Variants in PEBP4 observed in about 807,000 individuals in gnomAD.
PEBP4 encodes phosphatidylethanolamine-binding protein 4.
Under a neutral mutation model 23.9 loss-of-function variants are expected in PEBP4, and 22 were observed. The observed-to-expected ratio is 0.92, with a 90% confidence interval of 0.66 to 1.31. The LOEUF (loss-of-function observed/expected upper bound fraction) is 1.31. Among genes scored for constraint, PEBP4 ranks in the 40% most tolerant of loss-of-function variants. PEBP4 has a pLI of 0.00. For synonymous variants in PEBP4, 112 were observed against 99.3 expected, an observed-to-expected ratio of 1.13 and a Z score of -0.76; for missense variants, 324 against 281.7, an observed-to-expected ratio of 1.15 and a Z score of -1.07.
chr8:22,741,075 C>T (rs1362573868), intron 4 of PEBP4, among the ~76,000 whole-genome samples: 1 of 152,152 alleles, frequency 6.6e-6, no homozygotes, highest in African/African-American at 2.4e-5. Context: ...GTGGTTCTTC[C>T]GTGTTGCCTA....
chr8:22,717,661 G>A (rs950583665), intron 6 of PEBP4, among the ~76,000 whole-genome samples: 1 of 152,190 alleles, frequency 6.6e-6, no homozygotes, highest in South Asian at 2.1e-4. Flanking sequence ...GGGGCCACTG[G>A]TTCTGGCTCC....
intron 3 of PEBP4, among the ~76,000 whole-genome samples, chr8:22,830,113 T>TTGTGTGTGTGTGTGTGTGTG (rs3060706): frequency 2.0e-3 from 283 of 144,236 alleles, no homozygotes; most frequent in Middle Eastern, 3.5e-3. Flanking sequence ...GGCTGTGGTT[T>TTGTGTGTGTGTGTGTGTGTG]TGTGTGTGTG....
chr8:22,741,227 C>T (rs897484348), intron 4 of PEBP4, among the ~76,000 whole-genome samples: 3 of 152,200 alleles, frequency 2.0e-5, no homozygotes, highest in African/African-American at 7.2e-5. Context: ...GCCATCTCTG[C>T]TGAGCTGCCG....
At position 22,727,079 on chromosome 8, in the gene PEBP4, T is replaced by C. The variant is rs182246791; in HGVS notation, c.403+96A>G. The C allele has an allele frequency of 4.1e-4, 571 of 1,376,652 alleles. 3 individuals carry two copies. In the African/African-American group the frequency reaches 7.6e-3, roughly 18 times the overall value. 85.3% of individuals were successfully genotyped at this position (1,376,652 alleles called of 1,614,324 possible). A position where few individuals can be genotyped will look rare whatever the true frequency, so the allele number is the denominator to read the frequency against. On this transcript the variant is annotated intron_variant, in intron 5 of 6. Coordinates refer to ENST00000256404, the MANE Select transcript of PEBP4 (RefSeq NM_144962.3). The stretch of plus-strand genomic sequence containing the variant: ...GCATCCAAGAAAACTCTCAGGCTGG[T>C]GCTAGCACACGACAAAGCAGCACCA...
intron 4 of PEBP4, among the ~76,000 whole-genome samples, chr8:22,803,710 T>G (rs1014694328): frequency 6.6e-6 from 1 of 151,902 alleles, no homozygotes; most frequent in African/African-American, 2.4e-5. Flanking sequence ...CATCTCTGAG[T>G]GAACATGTCT....
intron 4 of PEBP4, among the ~76,000 whole-genome samples, chr8:22,799,804 T>C (rs181103970): frequency 2.6e-5 from 4 of 152,258 alleles, no homozygotes; most frequent in African/African-American, 7.2e-5. Flanking sequence ...ACACGCGGTG[T>C]AAGGATCTAG....
chr8:22,801,322 A>G (rs1411644414), intron 4 of PEBP4, among the ~76,000 whole-genome samples: 1 of 152,172 alleles, frequency 6.6e-6, no homozygotes, highest in African/African-American at 2.4e-5. Context: ...TCACAGAGGC[A>G]GGTGACTGGT....
chr8:22,917,035 T>C (rs371432281), intron 3 of PEBP4, among the ~76,000 whole-genome samples: 72 of 142,092 alleles, frequency 5.1e-4, no homozygotes, highest in African/African-American at 1.8e-3. Context: ...AAGTGGCCAA[T>C]GCCAGAATAT....
At chr8:22,809,165 G>A (rs186482313) in intron 4 of PEBP4, among the ~76,000 whole-genome samples, 16 of 152,316 alleles carry the variant, frequency 1.1e-4, no homozygotes, top group South Asian at 6.2e-4. Flanking sequence ...CAGGTGCTAC[G>A]TGCTGGGTGT....
At chr8:22,909,420 G>C (rs896285573) in intron 3 of PEBP4, among the ~76,000 whole-genome samples, 2 of 152,180 alleles carry the variant, frequency 1.3e-5, no homozygotes, top group African/African-American at 4.8e-5. Flanking sequence ...GTAAAGAAAT[G>C]AGGGTCCCTG....
intron 1 of PEBP4, among the ~76,000 whole-genome samples, chr8:22,934,117 G>A (rs770525491): frequency 1.3e-5 from 2 of 152,098 alleles, no homozygotes; most frequent in Admixed American, 6.6e-5. Context: ...TTCATGAAAG[G>A]TCTGCCCCCA....
At chr8:22,740,179 A>G (rs1022123328) in intron 4 of PEBP4, among the ~76,000 whole-genome samples, 3 of 152,192 alleles carry the variant, frequency 2.0e-5, no homozygotes, top group Non-Finnish European at 4.4e-5. Context: ...TGGAAGGAAA[A>G]AGAGACAGAG....
intron 4 of PEBP4, among the ~76,000 whole-genome samples, chr8:22,802,971 G>A (rs1436947271): frequency 6.6e-6 from 1 of 152,118 alleles, no homozygotes; most frequent in Non-Finnish European, 1.5e-5. Context: ...GCTAGCAAGC[G>A]GCCCAGCATA....
intron 4 of PEBP4, among the ~76,000 whole-genome samples, chr8:22,733,694 A>T (rs1330041043): frequency 6.6e-6 from 1 of 151,832 alleles, no homozygotes; most frequent in African/African-American, 2.4e-5. Context: ...CCATTTGCAC[A>T]GGAGGATTCA....
At chr8:22,898,709 A>C (rs1808647853) in intron 3 of PEBP4, among the ~76,000 whole-genome samples, 1 of 152,062 alleles carries the variant, frequency 6.6e-6, no homozygotes, top group Non-Finnish European at 1.5e-5. Context: ...TATCCTCTGG[A>C]GTTAGTAAGT....
At chr8:22,856,217 A>G (rs1278753007) in intron 3 of PEBP4, among the ~76,000 whole-genome samples, 1 of 152,170 alleles carries the variant, frequency 6.6e-6, no homozygotes, top group Non-Finnish European at 1.5e-5. Context: ...CAATGGAGAG[A>G]AAAATCACAA....
chr8:22,925,934 C>T (rs1006510696), intron 2 of PEBP4, among the ~76,000 whole-genome samples: 1 of 152,214 alleles, frequency 6.6e-6, no homozygotes, highest in African/African-American at 2.4e-5. Flanking sequence ...CTTCCTCCTT[C>T]CACGTGAAAA....
intron 2 of PEBP4, chr8:22,925,231 T>A: frequency 2.0e-6 from 2 of 985,460 alleles, no homozygotes; most frequent in Non-Finnish European, 2.4e-6. Flanking sequence ...CTTCCTGGCA[T>A]GCAACCTTAA....
chr8:22,850,293 G>A (rs1288496139), intron 3 of PEBP4, among the ~76,000 whole-genome samples: 4 of 152,176 alleles, frequency 2.6e-5, no homozygotes, highest in African/African-American at 9.7e-5. Flanking sequence ...AGGCAAGAGT[G>A]AATGGGAGGA....
Sources: allele counts gnomAD v4.1 joint callset (sites outside exome capture counted in the v4.1 genomes callset), GRCh38; gene constraint gnomAD v4.1.1; transcripts MANE v1.5; gene names NCBI Gene and HGNC (gene_info 2026-07-23, HGNC 2026-07-21).